TECPR1: variants seen among roughly 807,000 people sequenced by gnomAD.
The protein encoded by TECPR1 is tectonin beta-propeller repeat-containing protein 1.
TECPR1 carries 122 observed loss-of-function variants against 162.4 expected under a neutral mutation model. That is an observed-to-expected ratio of 0.75 (90% CI 0.65 to 0.87). The LOEUF is 0.87. Ranked by LOEUF, TECPR1 falls within the 40% of genes least tolerant of loss-of-function variation. TECPR1 has a pLI of 0.00. For missense variants in TECPR1, 1,432 were observed against 1,618.2 expected, an observed-to-expected ratio of 0.88 and a Z score of 1.97; for synonymous variants, 642 against 670.6, an observed-to-expected ratio of 0.96 and a Z score of 0.66.
intron 11 of TECPR1, 29 bp from the exon 12 acceptor site, chr7:98,233,001 G>T: frequency 6.3e-7 from 1 of 1,589,234 alleles, no homozygotes. Flanking sequence ...CTCAGGGCCG[G>T]GGCACTGTCC....
chr7:98,245,560 C>A (rs993197294), intron 3 of TECPR1, among the ~76,000 whole-genome samples: 1 of 152,214 alleles, frequency 6.6e-6, no homozygotes, highest in Admixed American at 6.5e-5. Flanking sequence ...CAGCCTTGAC[C>A]TCCCTGGCTC....
rs751292605 is a variant in TECPR1, at chr7:98,245,035, C to T, written c.258G>A (p.Lys86=). ...RWNPMGGFCE[K]LLLSDRWGWS... Reference sequence around the variant, plus strand: ...ACCCCCAGCGGTCACTCAGCAGGAGCTTCTCACAGAAGCCGCCCATGGGAT... The same window carrying T: ...ACCCCCAGCGGTCACTCAGCAGGAGTTTCTCACAGAAGCCGCCCATGGGAT... Residue 86 remains lysine (K), a synonymous_variant, in exon 4 of 26, where the codon AAG becomes AAA. Coordinates refer to ENST00000447648, the MANE Select transcript of TECPR1 (RefSeq NM_015395.3). 6.2e-7 allele frequency: 1 copy of T among 1,601,394 alleles called. No individual in the cohort carries two copies. The highest frequency in any genetic ancestry group is 1.7e-5 in the Admixed American group (1 of 58,152).
At chr7:98,242,562 A>C (rs1425730977) in intron 6 of TECPR1, among the ~76,000 whole-genome samples, 16 of 128,566 alleles carry the variant, frequency 1.2e-4, no homozygotes, top group East Asian at 4.8e-4. Context: ...ATCCATCCAC[A>C]CACCCACCCA....
intron 6 of TECPR1, among the ~76,000 whole-genome samples, chr7:98,242,972 C>CCA (rs750312558): frequency 7.2e-4 from 10 of 13,806 alleles, no homozygotes; most frequent in Admixed American, 2.4e-3. Context: ...ACACATCCAC[C>CCA]CACACCCATC....
intron 23 of TECPR1, among the ~76,000 whole-genome samples, chr7:98,218,307 C>T (rs56153131): frequency 0.2 from 30,028 of 152,152 alleles, 3,171 homozygotes; most frequent in East Asian, 0.26. Context: ...GTGCTGGGCA[C>T]GGCCGGCCTC....
At chr7:98,243,350 G>T in intron 6 of TECPR1, 117 bp downstream of exon 6, 1 of 1,392,574 alleles carries the variant, frequency 7.2e-7, no homozygotes, top group Admixed American at 2.2e-5. Context: ...CCAGGAGCAG[G>T]CATGGGGTGG....
At chr7:98,238,635 C>T (rs760697525) in intron 8 of TECPR1, 25 bp from the exon 9 acceptor site, 31 of 1,543,848 alleles carry the variant, frequency 2.0e-5, no homozygotes, top group South Asian at 1.5e-4. Flanking sequence ...AATAAACATG[C>T]CTTCCTGGAG....
At chr7:98,245,878 A>C in intron 3 of TECPR1, 44 bp downstream of exon 3, 1 of 1,529,760 alleles carries the variant, frequency 6.5e-7, no homozygotes, top group Admixed American at 1.9e-5. Context: ...CCAATAACCC[A>C]GCGAACTGAC....
chr7:98,244,624 G>A lies in TECPR1; in HGVS notation c.478C>T (p.Arg160Cys), dbSNP rs750242837. Residue 160 changes from arginine (R) to cysteine (C), a missense_variant, in exon 5 of 26, where the codon CGC becomes TGC. By Grantham distance (180) the Arg-to-Cys change is radical (BLOSUM62 -3). Transcript: ENST00000447648. Reference sequence around the variant, plus strand: ...CTCCTGTACCGGATCCACTTCCGGCGCCGCACACAAGAATTCCACTTCTTG... The same window carrying A: ...CTCCTGTACCGGATCCACTTCCGGCACCGCACACAAGAATTCCACTTCTTG... ...KDKKWNSCVR[R>C]RKWIRYRRYK... 9.3e-6 allele frequency: 15 copies of A among 1,612,966 alleles called. No individual in the cohort carries two copies. The highest frequency in any genetic ancestry group is 1.1e-5 in the Non-Finnish European group (13 of 1,179,644).
rs1231920231 is a variant in TECPR1 at position 98,221,644 on chromosome 7, A to G, written c.3157+17T>C. 1 of 1,611,542 alleles carries G rather than the reference A, an allele frequency of 6.2e-7. No individual in the cohort carries two copies. Among genetic ancestry groups the G allele is most frequent in the Admixed American group, 1.7e-5 (1 of 59,968 alleles). ...GCCCAGCCAAAACATTAAAAATTTA[A>G]AAAAAGAGCAACTTGCCATTCTCAT... On this transcript the variant is annotated intron_variant, in intron 23 of 25. Coordinates refer to ENST00000447648, the MANE Select transcript of TECPR1 (RefSeq NM_015395.3).
At chr7:98,228,982 G>A in intron 16 of TECPR1, 57 bp downstream of exon 16, 1 of 1,563,092 alleles carries the variant, frequency 6.4e-7, no homozygotes, top group Non-Finnish European at 8.7e-7. Context: ...AACCCAGACG[G>A]GGACTAGAGG....
chr7:98,225,541 C>CA lies in TECPR1; in HGVS notation c.2514-440dup, dbSNP rs962736405. The stretch of plus-strand genomic sequence containing the variant: ...CTGGCGACAGAGCAAGACTTCGTCT[C>CA]AAAAAAAAAAGGCGGGGGGAGGGGG... On this transcript the variant is annotated intron_variant, in intron 17 of 25. Transcript: ENST00000447648. Among the ~76,000 whole-genome samples, 277 of 130,948 alleles carry CA rather than the reference C, an allele frequency of 2.1e-3. 1 individual carries two copies. The highest frequency in any genetic ancestry group is 3.9e-3 in the Middle Eastern group (1 of 256). The allele number at this position is 130,948 out of a possible 152,430, so 85.9% of individuals were successfully genotyped here. A position where few individuals can be genotyped will look rare whatever the true frequency, so the allele number is the denominator to read the frequency against.
In TECPR1 at chr7:98,240,845, T is replaced by A; in HGVS notation, c.933+6A>T. On this transcript the variant is annotated splice_donor_region_variant and intron_variant, in intron 8 of 25. Transcript: ENST00000447648. ...AAGTGATCCCCCAGCCTCATCCCCATCTTACCTTCCAGTCCTTGGTGACAG... is the reference window on the plus strand; with the variant it reads ...AAGTGATCCCCCAGCCTCATCCCCAACTTACCTTCCAGTCCTTGGTGACAG... 6.3e-7 allele frequency: 1 copy of A among 1,594,672 alleles called. No homozygotes were observed. The highest frequency in any genetic ancestry group is 8.5e-7 in the Non-Finnish European group (1 of 1,173,752).
At chr7:98,239,907 G>A (rs1238335724) in intron 8 of TECPR1, among the ~76,000 whole-genome samples, 3 of 152,042 alleles carry the variant, frequency 2.0e-5, no homozygotes, top group Admixed American at 6.6e-5. Context: ...TCAGGATATC[G>A]AGACCATCCT....
rs1229588926 is a variant in TECPR1 at position 98,215,947 on chromosome 7, CTG to C, written c.*1441_*1442del. The C allele has an allele frequency of 6.6e-6, 1 of 152,252 alleles. No homozygotes were observed. Among genetic ancestry groups the C allele is most frequent in the Non-Finnish European group, 1.5e-5 (1 of 68,086 alleles). 9.4% of individuals were successfully genotyped at this position (152,252 alleles called of 1,614,324 possible). ...GGGTGACAAACCCCATACAGCAAAACTGTACAAATACACACAACGGACCCCCA... is the reference window on the plus strand; with the variant it reads ...GGGTGACAAACCCCATACAGCAAAACTACAAATACACACAACGGACCCCCA... On this transcript the variant is annotated 3_prime_UTR_variant, in exon 26 of 26. Coordinates refer to ENST00000447648, the MANE Select transcript of TECPR1 (RefSeq NM_015395.3).
chr7:98,245,384 G>A (rs904508684), intron 3 of TECPR1, among the ~76,000 whole-genome samples: 10 of 152,224 alleles, frequency 6.6e-5, no homozygotes, highest in South Asian at 2.1e-4. Flanking sequence ...GCCTGCCCTC[G>A]TGGGGACCTG....
intron 21 of TECPR1, 37 bp from the exon 22 acceptor site, chr7:98,222,558 G>T (rs1458754243): frequency 6.5e-7 from 1 of 1,546,982 alleles, no homozygotes; most frequent in Non-Finnish European, 8.7e-7. Context: ...GGTCACCAGG[G>T]CCCCCACCCC....
chr7:98,236,982 T>TC, intron 9 of TECPR1, 61 bp from the exon 10 acceptor site: 1 of 1,451,162 alleles, frequency 6.9e-7, no homozygotes, highest in Non-Finnish European at 9.1e-7. Context: ...TCTTCTCGCT[T>TC]CCTAGGGGTG....
intron 2 of TECPR1, among the ~76,000 whole-genome samples, chr7:98,246,555 G>A (rs1447801940): frequency 1.3e-5 from 2 of 151,256 alleles, no homozygotes; most frequent in African/African-American, 2.4e-5. Context: ...GTGAGCCACC[G>A]CGCGTGGCCA....
Sources: gnomAD v4.1 joint callset for allele counts (sites outside exome capture counted in the v4.1 genomes callset) on GRCh38, gnomAD v4.1.1 for gene constraint, MANE v1.5 for transcripts, NCBI Gene and HGNC (gene_info 2026-07-23, HGNC 2026-07-21) for gene names.